The following CASP9 variants were observed in gnomAD, a reference collection of about 807,000 sequenced individuals.
CASP9 encodes caspase-9.
Under a neutral mutation model 43.5 loss-of-function variants are expected in CASP9, and 29 were observed. That is an observed-to-expected ratio of 0.67 (90% CI 0.50 to 0.91). The LOEUF (loss-of-function observed/expected upper bound fraction) is 0.91, where lower values mean the gene tolerates loss of function less well. CASP9 is among the 40% of genes least tolerant of loss of function. The pLI, the probability that CASP9 is intolerant of heterozygous loss-of-function variation, is 0.00. For missense variants in CASP9, 575 were observed against 537.4 expected, an observed-to-expected ratio of 1.07 and a Z score of -0.69; for synonymous variants, 206 against 211.9, an observed-to-expected ratio of 0.97 and a Z score of 0.24.
chr1:15,504,002 G>C (rs1298548045), intron 6 of CASP9, among the ~76,000 whole-genome samples: 1 of 152,096 alleles, frequency 6.6e-6, no homozygotes, highest in Non-Finnish European at 1.5e-5. Flanking sequence ...AAGAATCCAA[G>C]TAATACATTT....
intron 4 of CASP9, 77 bp downstream of exon 4, chr1:15,506,822 G>T: frequency 7.8e-7 from 1 of 1,285,100 alleles, no homozygotes; most frequent in Non-Finnish European, 1.1e-6. Context: ...GAGTCAGCTG[G>T]CTTTTGGAGT....
chr1:15,524,023 TG>T, intron 1 of CASP9, 45 bp downstream of exon 1: 3 of 1,380,922 alleles, frequency 2.2e-6, no homozygotes, highest in Non-Finnish European at 2.9e-6. Context: ...TCGAGGGGCG[TG>T]GGGACCCGGC....
chr1:15,502,971 A>G (rs1369117650), intron 6 of CASP9, among the ~76,000 whole-genome samples: 1 of 152,036 alleles, frequency 6.6e-6, no homozygotes, highest in African/African-American at 2.4e-5. Context: ...TCTGCTGGCG[A>G]CAGCGGGGTG....
chr1:15,498,027 G>C (rs545759032), intron 6 of CASP9, among the ~76,000 whole-genome samples: 2 of 152,200 alleles, frequency 1.3e-5, no homozygotes, highest in Admixed American at 1.3e-4. Context: ...AGGGTGGCAG[G>C]ACCATTCAGT....
At chr1:15,500,164 A>G (rs1189149122) in intron 6 of CASP9, among the ~76,000 whole-genome samples, 2 of 151,380 alleles carry the variant, frequency 1.3e-5, no homozygotes, top group African/African-American at 4.9e-5. Context: ...CATACTGCAG[A>G]AAAAAAAAGA....
intron 6 of CASP9, among the ~76,000 whole-genome samples, chr1:15,503,579 C>G (rs1471284083): frequency 6.6e-6 from 1 of 152,216 alleles, no homozygotes; most frequent in Non-Finnish European, 1.5e-5. Context: ...GCTCAATAAA[C>G]ACTTACTGGA....
intron 8 of CASP9, chr1:15,493,430 G>A (rs932296706): frequency 8.0e-7 from 1 of 1,248,604 alleles, no homozygotes; most frequent in African/African-American, 1.5e-5. Flanking sequence ...GTAGGACTGG[G>A]CCTATCAGGC....
At chr1:15,500,692 A>G (rs1047779337) in intron 6 of CASP9, among the ~76,000 whole-genome samples, 1 of 152,158 alleles carries the variant, frequency 6.6e-6, no homozygotes, top group African/African-American at 2.4e-5. Flanking sequence ...AGACTCCGGA[A>G]TCTGCCCCAG....
chr1:15,518,452 C>T (rs1710046609), intron 1 of CASP9, 57 bp from the exon 2 acceptor site: 8 of 1,537,396 alleles, frequency 5.2e-6, no homozygotes, highest in Non-Finnish European at 7.0e-6. Flanking sequence ...ATGGCTCTCA[C>T]CTTGTCTCCC....
At chr1:15,521,017 C>T (rs1205922426) in intron 1 of CASP9, among the ~76,000 whole-genome samples, 1 of 151,850 alleles carries the variant, frequency 6.6e-6, no homozygotes, top group Non-Finnish European at 1.5e-5. Flanking sequence ...ATTAGCCGGG[C>T]GTGGTGGCGG....
chr1:15,495,918 T>C (rs1709090841), intron 6 of CASP9, among the ~76,000 whole-genome samples: 1 of 152,224 alleles, frequency 6.6e-6, no homozygotes, highest in South Asian at 2.1e-4. Flanking sequence ...TACGTAAAAA[T>C]GCAAATTCAC....
At chr1:15,500,250 ATG>A (rs1289768172) in intron 6 of CASP9, among the ~76,000 whole-genome samples, 1 of 152,218 alleles carries the variant, frequency 6.6e-6, no homozygotes, top group African/African-American at 2.4e-5. Flanking sequence ...CTCCTGGAGA[ATG>A]TGACTGTGAT....
At position 15,522,782 on chromosome 1, in the gene CASP9, G is replaced by T. The variant is rs571900820; in HGVS notation, c.132+1287C>A. ...GGCCATACTCAGCTGGAGACGGAGG[G>T]CAGTGCAAAGGCTATCCACTATGAC... On this transcript the variant is annotated intron_variant, in intron 1 of 8. Transcript: ENST00000333868. 2.3e-3 allele frequency among the ~76,000 whole-genome samples: 344 copies of T among 152,318 alleles called. 3 individuals are homozygous for T. Among genetic ancestry groups the T allele is most frequent in the Non-Finnish European group, 2.1e-3 (146 of 68,022 alleles).
chr1:15,516,505 T>C (rs1709956344), intron 2 of CASP9, among the ~76,000 whole-genome samples: 1 of 151,706 alleles, frequency 6.6e-6, no homozygotes, highest in South Asian at 2.1e-4. Flanking sequence ...AGACACAATT[T>C]TTCAATTTCT....
rs769958579 is a variant in CASP9 at position 15,518,345 on chromosome 1, A to G, written c.183T>C (p.Asp61=). 3 of 1,613,910 alleles carry G rather than the reference A, an allele frequency of 1.9e-6. No individual in the cohort carries two copies. ...RRDQARQLII[D]LETRGSQALP... is the part of the protein sequence containing the mutation. ...GAGCCTGACTCCCTCGAGTCTCCAG[A>G]TCTATGATCAGCTGCCTGGCCTGAT... The change falls in exon 2 of 9, where the codon GAT becomes GAC. Residue 61 remains aspartate (D), a synonymous_variant. Coordinates refer to ENST00000333868, the MANE Select transcript of CASP9 (RefSeq NM_001229.5).
In CASP9 at chr1:15,506,969, C is replaced by T. The variant is rs765071954; in HGVS notation, c.560G>A (p.Cys187Tyr). The T allele has an allele frequency of 6.8e-6, 11 of 1,614,078 alleles. No individual in the cohort carries two copies. The highest frequency in any genetic ancestry group is 2.2e-5 in the South Asian group (2 of 91,092). The change falls in exon 4 of 9, where the codon TGT becomes TAT. Residue 187 changes from cysteine to tyrosine, a missense_variant. Coordinates refer to ENST00000333868, the MANE Select transcript of CASP9 (RefSeq NM_001229.5). ...LRTRTGSNID[C>Y]EKLRRRFSSL... ...GGAGAAGCGACGCCGCAACTTCTCA[C>T]AGTCGATGTTGGAGCCAGTGCGGGT...
intron 2 of CASP9, among the ~76,000 whole-genome samples, chr1:15,513,176 A>C (rs975139400): frequency 6.6e-6 from 1 of 151,840 alleles, no homozygotes; most frequent in Non-Finnish European, 1.5e-5. Flanking sequence ...AAAAAAAAAA[A>C]ACGAACGGCT....
chr1:15,518,042 T>A lies in CASP9; in HGVS notation c.418+68A>T, dbSNP rs548733450. The A allele has an allele frequency of 3.1e-5, 47 of 1,515,984 alleles. No homozygotes were observed. The African/African-American group carries it at 5.8e-4, about 19-fold the overall frequency. The allele number at this position is 1,515,984 out of a possible 1,614,324, so 93.9% of individuals were successfully genotyped here. A position where few individuals can be genotyped will look rare whatever the true frequency, so the allele number is the denominator to read the frequency against. ...AATTCTGAATCTCAGCCCACCCAGCTGTACTCATAGTGAGTCCCAAATGAC... is the reference window on the plus strand; with the variant it reads ...AATTCTGAATCTCAGCCCACCCAGCAGTACTCATAGTGAGTCCCAAATGAC... On this transcript the variant is annotated intron_variant, in intron 2 of 8. Transcript: ENST00000333868.
intron 6 of CASP9, among the ~76,000 whole-genome samples, chr1:15,498,377 C>T (rs554637931): frequency 7.9e-5 from 12 of 151,756 alleles, no homozygotes; most frequent in African/African-American, 2.2e-4. Context: ...TTTTAAGAGA[C>T]ACACTTTTGC....
Sources: gnomAD v4.1 joint callset for allele counts (sites outside exome capture counted in the v4.1 genomes callset) on GRCh38, gnomAD v4.1.1 for gene constraint, MANE v1.5 for transcripts, NCBI Gene and HGNC (gene_info 2026-07-23, HGNC 2026-07-21) for gene names.